The following NFIX variants were observed in gnomAD, a reference collection of about 807,000 sequenced individuals.
The protein encoded by NFIX is nuclear factor 1 X-type.
A neutral mutation model predicts 53.3 loss-of-function variants in NFIX; 2 were observed. The observed-to-expected ratio is 0.04, with a 90% confidence interval of 0.02 to 0.12. NFIX has a LOEUF of 0.12. Among genes scored for constraint, NFIX ranks in the 10% least tolerant of loss-of-function variants. NFIX has a pLI of 1.00. For missense variants in NFIX, 310 were observed against 674.5 expected, an observed-to-expected ratio of 0.46 and a Z score of 5.99; for synonymous variants, 244 against 289.0, an observed-to-expected ratio of 0.84 and a Z score of 1.58.
rs976189739 is a variant in NFIX at position 13,089,897 on chromosome 19, G to C, written c.1403-402G>C. On this transcript the variant is annotated intron_variant, in intron 9 of 10. Coordinates refer to ENST00000592199, the MANE Select transcript of NFIX (RefSeq NM_001365902.3). The surrounding 1 kb of genome is among the most constrained non-coding windows in gnomAD (Gnocchi z 4.8). Reference sequence around the variant, plus strand: ...TGGGAAAGCAGGGTTATCCACTGAGGGTACCTGGGGACCAGGGCTATCCCC... The same window carrying C: ...TGGGAAAGCAGGGTTATCCACTGAGCGTACCTGGGGACCAGGGCTATCCCC... Among the ~76,000 whole-genome samples the C allele has an allele frequency of 1.3e-5, 2 of 152,190 alleles. No individual in the cohort carries two copies. The highest frequency in any genetic ancestry group is 1.9e-4 in the East Asian group (1 of 5,194).
rs1006550398 is a variant in NFIX, at chr19:13,078,560, C to T, written c.956-53C>T. 1.3e-6 allele frequency: 2 copies of T among 1,558,032 alleles called. No individual in the cohort carries two copies. The highest frequency in any genetic ancestry group is 1.7e-6 in the Non-Finnish European group (2 of 1,148,818). Reference sequence around the variant, plus strand: ...AGCTGCTGGCTTCCCGCCTTCCCCGCACCCACCCCAGCCCAGCTAAACCTG... The same window carrying T: ...AGCTGCTGGCTTCCCGCCTTCCCCGTACCCACCCCAGCCCAGCTAAACCTG... On this transcript the variant is annotated intron_variant, in intron 6 of 10. Coordinates refer to ENST00000592199, the MANE Select transcript of NFIX (RefSeq NM_001365902.3). This position sits in a 1 kb window ranked among gnomAD's most constrained non-coding sequence, Gnocchi z 4.7.
At chr19:13,047,708 C>G (rs1262072749) in intron 2 of NFIX, among the ~76,000 whole-genome samples, 1 of 152,126 alleles carries the variant, frequency 6.6e-6, no homozygotes, top group Non-Finnish European at 1.5e-5. Context: ...ACCCTTGCTT[C>G]CCGGACATCC....
At chr19:13,004,149 A>G (rs1381358086) in intron 1 of NFIX, among the ~76,000 whole-genome samples, 1 of 152,066 alleles carries the variant, frequency 6.6e-6, no homozygotes, top group African/African-American at 2.4e-5. Flanking sequence ...TCAGTCCCCT[A>G]CAATGGAACC....
chr19:13,081,919 A>G lies in NFIX; in HGVS notation c.1254+64A>G, dbSNP rs2017494122. 1 of 1,574,052 alleles carries G rather than the reference A, an allele frequency of 6.4e-7. No homozygotes were observed. Among genetic ancestry groups the G allele is most frequent in the Non-Finnish European group, 8.7e-7 (1 of 1,154,716 alleles). ...ATCTCCACATCTATCTGTCTGTCTC[A>G]GGGCTCACAGGGAGAGGGCCCAAAA... On this transcript the variant is annotated intron_variant, in intron 8 of 10. Coordinates refer to ENST00000592199, the MANE Select transcript of NFIX (RefSeq NM_001365902.3). The surrounding 1 kb of genome is among the most constrained non-coding windows in gnomAD (Gnocchi z 4.7).
intron 2 of NFIX, among the ~76,000 whole-genome samples, chr19:13,039,018 G>A (rs963968957): frequency 2.6e-5 from 4 of 152,112 alleles, no homozygotes; most frequent in African/African-American, 9.7e-5. Context: ...TGCTGGCTCC[G>A]AACACAAAGG....
Position 13,088,591 on chromosome 19 carries a change from C to A in NFIX, c.1402+455C>A, listed in dbSNP as rs1414574332. 1.3e-5 allele frequency among the ~76,000 whole-genome samples: 2 copies of A among 152,014 alleles called. No individual in the cohort carries two copies. The highest frequency in any genetic ancestry group is 1.3e-4 in the Admixed American group (2 of 15,274). The stretch of plus-strand genomic sequence containing the variant: ...AAATGTAACCACAAGGCGACGCCAC[C>A]ACCATCCCCTTTTTGCCTTGCCCCT... On this transcript the variant is annotated intron_variant, in intron 9 of 10. Coordinates refer to ENST00000592199, the MANE Select transcript of NFIX (RefSeq NM_001365902.3). This position sits in a 1 kb window ranked among gnomAD's most constrained non-coding sequence, Gnocchi z 5.9.
intron 1 of NFIX, among the ~76,000 whole-genome samples, chr19:13,007,086 C>T (rs546838146): frequency 1.2e-4 from 19 of 152,278 alleles, no homozygotes; most frequent in South Asian, 2.1e-4. Flanking sequence ...AGGATGCCCG[C>T]CTGGCTTCCA....
intron 2 of NFIX, among the ~76,000 whole-genome samples, chr19:13,031,718 G>T (rs999342369): frequency 6.6e-6 from 1 of 152,166 alleles, no homozygotes; most frequent in African/African-American, 2.4e-5. Flanking sequence ...GCCTTATTTG[G>T]GGGATAGCTC....
Position 13,073,115 on chromosome 19 carries a change from T to C in NFIX, c.622+6T>C. On this transcript the variant is annotated splice_donor_region_variant and intron_variant, in intron 3 of 10. Coordinates refer to ENST00000592199, the MANE Select transcript of NFIX (RefSeq NM_001365902.3). The surrounding 1 kb of genome is among the most constrained non-coding windows in gnomAD (Gnocchi z 4.5). ...CATCAAACCACTGCCCAACGGTCAG[T>C]GCCCCCCACCTGCCCAGCTGCCCTT... 1 of 1,613,890 alleles carries C rather than the reference T, an allele frequency of 6.2e-7. No homozygotes were observed. The highest frequency in any genetic ancestry group is 8.5e-7 in the Non-Finnish European group (1 of 1,179,786).
Position 13,090,437 on chromosome 19 carries a change from T to G in NFIX, c.1494+47T>G. The G allele has an allele frequency of 6.4e-7, 1 of 1,562,700 alleles. No individual in the cohort carries two copies. ...CTGGATGCAGGGACCAGGGGAGTAG[T>G]CAGGGTTGGGGGGCATCTTGGTGTT... On this transcript the variant is annotated intron_variant, in intron 10 of 10. Transcript: ENST00000592199. This position sits in a 1 kb window ranked among gnomAD's most constrained non-coding sequence, Gnocchi z 6.6.
chr19:13,037,324 C>G lies in NFIX; in HGVS notation c.559+11772C>G, dbSNP rs1019334550. ...GCACCCGGTCATATCCTCCCCAGGG[C>G]ATGACCACTTCCCCTACCAGACGTA... On this transcript the variant is annotated intron_variant, in intron 2 of 10. Transcript: ENST00000592199. The surrounding 1 kb of genome is among the most constrained non-coding windows in gnomAD (Gnocchi z 4.2). Among the ~76,000 whole-genome samples the G allele has an allele frequency of 3.3e-5, 5 of 152,180 alleles. No individual in the cohort carries two copies. The highest frequency in any genetic ancestry group is 7.3e-5 in the Non-Finnish European group (5 of 68,040).
Position 13,094,786 on chromosome 19 carries a change from C to A in NFIX, c.*137C>A. ...CAAAAATTACACGTCGTCAGCCACT[C>A]AGCCCTTCTCTCCTCCAGCCCGGGG... On this transcript the variant is annotated 3_prime_UTR_variant, in exon 11 of 11. Transcript: ENST00000592199. This position sits in a 1 kb window ranked among gnomAD's most constrained non-coding sequence, Gnocchi z 4.3. The A allele has an allele frequency of 1.1e-6, 1 of 901,708 alleles. No homozygotes were observed. Among genetic ancestry groups the A allele is most frequent in the South Asian group, 1.6e-5 (1 of 62,762 alleles). 55.9% of individuals were successfully genotyped at this position (901,708 alleles called of 1,614,324 possible).
rs2011739198 is a variant in NFIX, at chr19:13,002,140, C to T, written c.27+6276C>T. Among the ~76,000 whole-genome samples the T allele has an allele frequency of 6.6e-6, 1 of 152,144 alleles. No homozygotes were observed. Among genetic ancestry groups the T allele is most frequent in the Non-Finnish European group, 1.5e-5 (1 of 68,000 alleles). On this transcript the variant is annotated intron_variant, in intron 1 of 10. Transcript: ENST00000592199. This position sits in a 1 kb window ranked among gnomAD's most constrained non-coding sequence, Gnocchi z 6.1. The stretch of plus-strand genomic sequence containing the variant: ...CCACACCCCTGGGCCACCCGCCATC[C>T]CTCCGAGGCTCTGAGGGCGCGGATT...
At position 13,089,838 on chromosome 19, in the gene NFIX, T is replaced by G. The variant is rs1440767988; in HGVS notation, c.1403-461T>G. 1.3e-5 allele frequency among the ~76,000 whole-genome samples: 2 copies of G among 152,136 alleles called. No individual in the cohort carries two copies. The highest frequency in any genetic ancestry group is 2.9e-5 in the Non-Finnish European group (2 of 67,972). ...GACTGCCAAAGCCTCCACCCTCCCCTGGCCCCCTCTCTTCAGTACCTGAGA... is the reference window on the plus strand; with the variant it reads ...GACTGCCAAAGCCTCCACCCTCCCCGGGCCCCCTCTCTTCAGTACCTGAGA... On this transcript the variant is annotated intron_variant, in intron 9 of 10. Coordinates refer to ENST00000592199, the MANE Select transcript of NFIX (RefSeq NM_001365902.3). This position sits in a 1 kb window ranked among gnomAD's most constrained non-coding sequence, Gnocchi z 4.8.
chr19:12,995,517 C>T lies in NFIX; in HGVS notation c.-321C>T, dbSNP rs933904219. 6.5e-6 allele frequency: 1 copy of T among 154,584 alleles called. No homozygotes were observed. Among genetic ancestry groups the T allele is most frequent in the Non-Finnish European group, 1.4e-5 (1 of 70,790 alleles). The allele number at this position is 154,584 out of a possible 1,614,324, so 9.6% of individuals were successfully genotyped here. A position where few individuals can be genotyped will look rare whatever the true frequency, so the allele number is the denominator to read the frequency against. Reference sequence around the variant, plus strand: ...CACAGCGCGGCGGCTGCGGCGGCGGCGGCGGCGGGCGAGGGTGACCGGCCG... The same window carrying T: ...CACAGCGCGGCGGCTGCGGCGGCGGTGGCGGCGGGCGAGGGTGACCGGCCG... On this transcript the variant is annotated 5_prime_UTR_variant, in exon 1 of 11. Transcript: ENST00000592199.
intron 2 of NFIX, among the ~76,000 whole-genome samples, chr19:13,033,332 T>G (rs2013955096): frequency 6.6e-6 from 1 of 152,068 alleles, no homozygotes; most frequent in South Asian, 2.1e-4. Context: ...ATAATGGATA[T>G]CTCGTACCTT....
rs1180378485 is a variant in NFIX at position 13,043,417 on chromosome 19, G to C, written c.559+17865G>C. 6.6e-6 allele frequency among the ~76,000 whole-genome samples: 1 copy of C among 152,192 alleles called. No individual in the cohort carries two copies. The highest frequency in any genetic ancestry group is 6.5e-5 in the Admixed American group (1 of 15,280). On this transcript the variant is annotated intron_variant, in intron 2 of 10. Coordinates refer to ENST00000592199, the MANE Select transcript of NFIX (RefSeq NM_001365902.3). This position sits in a 1 kb window ranked among gnomAD's most constrained non-coding sequence, Gnocchi z 4.0. Reference sequence around the variant, plus strand: ...AGGTGCTGGCCATGGTATCTTAATGGCAGCAGCCCCCAGGTCCACTTCTGA... The same window carrying C: ...AGGTGCTGGCCATGGTATCTTAATGCCAGCAGCCCCCAGGTCCACTTCTGA...
rs1202764914 is a variant in NFIX, at chr19:13,094,141, G to A, written c.1495-494G>A. ...CCCTGCCCCCAGTCTTTCAGCCTGT[G>A]GGACCTTGGCTGGGGTATATAGATG... On this transcript the variant is annotated intron_variant, in intron 10 of 10. Coordinates refer to ENST00000592199, the MANE Select transcript of NFIX (RefSeq NM_001365902.3). This position sits in a 1 kb window ranked among gnomAD's most constrained non-coding sequence, Gnocchi z 4.3. Among the ~76,000 whole-genome samples, 1 of 152,188 alleles carries A rather than the reference G, an allele frequency of 6.6e-6. No individual in the cohort carries two copies. Among genetic ancestry groups the A allele is most frequent in the Non-Finnish European group, 1.5e-5 (1 of 68,028 alleles).
In NFIX at chr19:12,996,654, C is replaced by T. The variant is rs1324220914; in HGVS notation, c.27+790C>T. Among the ~76,000 whole-genome samples the T allele has an allele frequency of 2.6e-5, 4 of 152,288 alleles. No individual in the cohort carries two copies. In the East Asian group the frequency reaches 5.8e-4, roughly 22 times the overall value. On this transcript the variant is annotated intron_variant, in intron 1 of 10. Coordinates refer to ENST00000592199, the MANE Select transcript of NFIX (RefSeq NM_001365902.3). The surrounding 1 kb of genome is among the most constrained non-coding windows in gnomAD (Gnocchi z 5.2). ...CTGGCCCCAGCGACCCGGGCTGCTG[C>T]GGAGTGGACCCGGCAGGCCTGGGGA...
Sources: allele counts gnomAD v4.1 joint callset (sites outside exome capture counted in the v4.1 genomes callset), GRCh38; gene constraint gnomAD v4.1.1; non-coding constraint Gnocchi (gnomAD v3.1); transcripts MANE v1.5; gene names NCBI Gene and HGNC (gene_info 2026-07-23, HGNC 2026-07-21).